The following EPB41 variants were observed in gnomAD, a reference collection of about 807,000 sequenced individuals.
EPB41 encodes erythrocyte membrane protein band 4.1.
Under a neutral mutation model 108.0 loss-of-function variants are expected in EPB41, and 65 were observed. That is an observed-to-expected ratio of 0.60 (90% CI 0.49 to 0.74). The LOEUF is 0.74. EPB41 is among the 30% of genes least tolerant of loss of function. The pLI is 0.00. For synonymous variants in EPB41, 336 were observed against 358.9 expected (o/e 0.94, Z 0.72); for missense variants, 875 against 1,037.0 (o/e 0.84, Z 2.15).
chr1:29,104,573 A>G (rs534085263), intron 17 of EPB41, among the ~76,000 whole-genome samples: 2 of 151,318 alleles, frequency 1.3e-5, no homozygotes, highest in South Asian at 4.2e-4. Flanking sequence ...ACACCACTAC[A>G]TGTGACTTTT....
In EPB41 at chr1:29,115,584, G is replaced by A. The variant is rs1044335418; in HGVS notation, c.2497-115G>A. ...GCTTGGCTTAGCCTAAAGCTGCCCT[G>A]GTACTGCAGACAGGAGTATTGGATC... On this transcript the variant is annotated intron_variant, in intron 19 of 20. Coordinates refer to ENST00000343067, the MANE Select transcript of EPB41 (RefSeq NM_001376013.1). This position sits in a 1 kb window ranked among gnomAD's most constrained non-coding sequence, Gnocchi z 4.4. 1 of 876,076 alleles carries A rather than the reference G, an allele frequency of 1.1e-6. No individual in the cohort carries two copies. The allele number at this position is 876,076 out of a possible 1,614,324, so 54.3% of individuals were successfully genotyped here.
chr1:28,942,886 A>G (rs1179493279), intron 1 of EPB41, among the ~76,000 whole-genome samples: 1 of 152,140 alleles, frequency 6.6e-6, no homozygotes, highest in Admixed American at 6.6e-5. Context: ...GGAGATTCCA[A>G]GGGTTTTAGG....
intron 1 of EPB41, among the ~76,000 whole-genome samples, chr1:28,979,150 A>C (rs1478194810): frequency 6.6e-6 from 1 of 151,596 alleles, no homozygotes; most frequent in Non-Finnish European, 1.5e-5. Flanking sequence ...CCTCACAGAA[A>C]GGCTGTGATA....
chr1:28,912,625 C>CT (rs916247270), upstream of EPB41, among the ~76,000 whole-genome samples: 1 of 151,632 alleles, frequency 6.6e-6, no homozygotes, highest in African/African-American at 2.4e-5. Flanking sequence ...TTTCCTTTTT[C>CT]TTTTTTTTGA....
chr1:28,900,820 TC>T (rs2091209740), intron 1 of EPB41, among the ~76,000 whole-genome samples: 1 of 152,170 alleles, frequency 6.6e-6, no homozygotes, highest in Non-Finnish European at 1.5e-5. Flanking sequence ...CACTTGCCAG[TC>T]CTTTGGCCCA....
In EPB41 at chr1:29,060,491, A is replaced by G. The variant is rs1240171860; in HGVS notation, c.2007+7A>G. 2.5e-6 allele frequency: 4 copies of G among 1,610,880 alleles called. No individual in the cohort carries two copies. The highest frequency in any genetic ancestry group is 3.4e-6 in the Non-Finnish European group (4 of 1,177,254). ...TAGCAATTTAATGTTGGAGGTTTGT[A>G]TGAACTTGAAGCTTATTTCAGTTGG... is the stretch of plus-strand genomic sequence containing the variant. On this transcript the variant is annotated splice_region_variant and intron_variant, in intron 15 of 20. Transcript: ENST00000343067.
chr1:28,988,602 T>G (rs1225237406), intron 2 of EPB41, among the ~76,000 whole-genome samples: 2 of 152,090 alleles, frequency 1.3e-5, no homozygotes, highest in South Asian at 4.2e-4. Context: ...TCAGGTAATC[T>G]GTCCACCTCA....
At chr1:28,946,718 T>A (rs1018925911) in intron 1 of EPB41, among the ~76,000 whole-genome samples, 1 of 152,212 alleles carries the variant, frequency 6.6e-6, no homozygotes, top group Non-Finnish European at 1.5e-5. Flanking sequence ...CCTGCTTCAA[T>A]ATTTAGCATG....
chr1:29,098,076 G>T, intron 17 of EPB41, 141 bp downstream of exon 17: 1 of 1,252,612 alleles, frequency 8.0e-7, no homozygotes. Flanking sequence ...ACTGGTCTAA[G>T]AAGGTCCCAG....
At chr1:29,048,527 C>A (rs1456351906) in intron 11 of EPB41, among the ~76,000 whole-genome samples, 8 of 152,076 alleles carry the variant, frequency 5.3e-5, no homozygotes, top group Admixed American at 5.2e-4. Context: ...TTTCTTTACG[C>A]TTTTATTGAG....
At chr1:28,906,035 T>C (rs1358398596) in intron 1 of EPB41, among the ~76,000 whole-genome samples, 1 of 152,036 alleles carries the variant, frequency 6.6e-6, no homozygotes, top group East Asian at 1.9e-4. Context: ...GCCAGGCTGG[T>C]CTCGAACTCC....
At chr1:28,997,010 G>C (rs941320405) in intron 3 of EPB41, among the ~76,000 whole-genome samples, 12 of 152,016 alleles carry the variant, frequency 7.9e-5, no homozygotes, top group Non-Finnish European at 1.6e-4. Flanking sequence ...AAATTAGTCA[G>C]GCATGGTGGT....
Position 29,119,600 on chromosome 1 carries a change from C to G in EPB41, c.*2788C>G, listed in dbSNP as rs539260182. 3.3e-5 allele frequency: 5 copies of G among 152,234 alleles called. No individual in the cohort carries two copies. The highest frequency in any genetic ancestry group is 1.3e-4 in the Admixed American group (2 of 15,276). The allele number at this position is 152,234 out of a possible 1,614,324, so 9.4% of individuals were successfully genotyped here. A position where few individuals can be genotyped will look rare whatever the true frequency, so the allele number is the denominator to read the frequency against. ...TGACCCATCCCCGTCCCCACCCCCC[C>G]CTCCACCGCTGGGCCCATCAGTGTG... On this transcript the variant is annotated 3_prime_UTR_variant, in exon 21 of 21. Transcript: ENST00000343067.
At chr1:29,084,777 G>A (rs1047122321) in intron 16 of EPB41, among the ~76,000 whole-genome samples, 5 of 152,036 alleles carry the variant, frequency 3.3e-5, no homozygotes, top group Non-Finnish European at 5.9e-5. Flanking sequence ...ATCTTGGTTC[G>A]GGAATATTTA....
At chr1:28,964,606 CAAATAAATAAATAAAT>C (rs768748075) in intron 1 of EPB41, among the ~76,000 whole-genome samples, 2 of 151,558 alleles carry the variant, frequency 1.3e-5, no homozygotes, top group South Asian at 4.2e-4. Context: ...GACTCTGTCT[CAAATAAATAAATAAAT>C]AAATAAAATA....
At chr1:29,013,685 C>T (rs1180857254) in intron 5 of EPB41, among the ~76,000 whole-genome samples, 2 of 152,004 alleles carry the variant, frequency 1.3e-5, no homozygotes, top group African/African-American at 4.8e-5. Context: ...TGCCACCATA[C>T]TTGGCTAATT....
intron 2 of EPB41, chr1:28,989,349 T>C (rs1038302004): frequency 2.0e-5 from 19 of 962,800 alleles, no homozygotes; most frequent in Non-Finnish European, 2.1e-5. Context: ...ATGTCATTTA[T>C]TTTCAGCCTC....
intron 16 of EPB41, among the ~76,000 whole-genome samples, chr1:29,076,935 T>A (rs1025324808): frequency 1.3e-5 from 2 of 152,096 alleles, no homozygotes; most frequent in African/African-American, 4.8e-5. Context: ...AAATAGGCCT[T>A]GATTTTGCCA....
intron 1 of EPB41, among the ~76,000 whole-genome samples, chr1:28,924,255 T>G (rs1397569299): frequency 6.6e-6 from 1 of 152,098 alleles, no homozygotes; most frequent in African/African-American, 2.4e-5. Context: ...CCTGGCCGGG[T>G]GCGTGGCTCA....
Sources: allele counts gnomAD v4.1 joint callset (sites outside exome capture counted in the v4.1 genomes callset), GRCh38; gene constraint gnomAD v4.1.1; non-coding constraint Gnocchi (gnomAD v3.1); transcripts MANE v1.5; gene names NCBI Gene and HGNC (gene_info 2026-07-23, HGNC 2026-07-21).